The following XRN1 variants were observed in gnomAD, a reference collection of about 807,000 sequenced individuals.
XRN1 encodes 5'-3' exoribonuclease 1.
In XRN1, 67 loss-of-function variants were observed where a neutral mutation model predicts 222.3. The observed-to-expected ratio is 0.30, with a 90% CI of 0.25 to 0.37. The LOEUF is 0.37. XRN1 is among the 10% of genes least tolerant of loss of function. XRN1 has a pLI of 1.00. For missense variants in XRN1, 1,707 were observed against 2,000.2 expected (o/e 0.85, Z 2.80); for synonymous variants, 643 against 652.4 (o/e 0.99, Z 0.22).
Position 142,350,899 on chromosome 3 carries a change from G to A in XRN1, c.3769-3557C>T, listed in dbSNP as rs2066285237. On this transcript the variant is annotated intron_variant, in intron 32 of 40. Transcript: ENST00000392981. ...TTCAATTTTGGACATGGTAATTTGAGATGTATATTAAGTACCCAAGTGGAG... is the reference window on the plus strand; with the variant it reads ...TTCAATTTTGGACATGGTAATTTGAAATGTATATTAAGTACCCAAGTGGAG... 2.0e-5 allele frequency among the ~76,000 whole-genome samples: 3 copies of A among 152,104 alleles called. No homozygotes were observed. The South Asian group carries it at 6.2e-4, about 32-fold the overall frequency.
rs557723130 is a variant in XRN1 at position 142,365,278 on chromosome 3, A to C, written c.3261+32T>G. 7 of 1,584,630 alleles carry C rather than the reference A, an allele frequency of 4.4e-6. No homozygotes were observed. The East Asian group carries it at 1.6e-4, about 36-fold the overall frequency. ...CCTTCCATGCATTCAAAGTGAAAGC[A>C]ACAACTCTGAATTCTTTGATAGGAA... On this transcript the variant is annotated intron_variant, in intron 28 of 40. Transcript: ENST00000392981.
At position 142,403,776 on chromosome 3, in the gene XRN1, T is replaced by C. The variant is rs758900413; in HGVS notation, c.2005-4A>G. Reference sequence around the variant, plus strand: ...CACCACTTTTCTTCAAAAAAAACTTTAAAAGAATTCAAATAATTTAATTTT... The same window carrying C: ...CACCACTTTTCTTCAAAAAAAACTTCAAAAGAATTCAAATAATTTAATTTT... On this transcript the variant is annotated splice_region_variant and splice_polypyrimidine_tract_variant and intron_variant, in intron 17 of 40. Coordinates refer to ENST00000392981, the MANE Select transcript of XRN1 (RefSeq NM_001282857.2). 2.5e-6 allele frequency: 4 copies of C among 1,611,754 alleles called. No individual in the cohort carries two copies. Among genetic ancestry groups the C allele is most frequent in the South Asian group, 2.2e-5 (2 of 90,484 alleles).
intron 2 of XRN1, among the ~76,000 whole-genome samples, chr3:142,428,262 G>A (rs1469909332): frequency 6.6e-6 from 1 of 151,970 alleles, no homozygotes; most frequent in African/African-American, 2.4e-5. Flanking sequence ...CGGGTGTGGT[G>A]GTGCGGCCTG....
At chr3:142,411,341 AG>A (rs1328985172) in intron 15 of XRN1, among the ~76,000 whole-genome samples, 1 of 152,070 alleles carries the variant, frequency 6.6e-6, no homozygotes, top group Non-Finnish European at 1.5e-5. Flanking sequence ...CATTTTCTGT[AG>A]ATTTCTGCTT....
Position 142,359,861 on chromosome 3 carries a change from C to T in XRN1, c.3464+1G>A, listed in dbSNP as rs2066569081. 6.3e-7 allele frequency: 1 copy of T among 1,595,678 alleles called. No homozygotes were observed. Among genetic ancestry groups the T allele is most frequent in the African/African-American group, 1.3e-5 (1 of 74,338 alleles). On this transcript the variant is annotated splice_donor_variant, in intron 30 of 40. Coordinates refer to ENST00000392981, the MANE Select transcript of XRN1 (RefSeq NM_001282857.2). LOFTEE classifies it high-confidence loss of function. ...GGCAATTATCATTGGGAAATACAAA[C>T]CTTATTGTTAACCCTCCAGGAAATT...
intron 31 of XRN1, 81 bp downstream of exon 31, chr3:142,356,831 T>G: frequency 7.0e-7 from 1 of 1,422,746 alleles, no homozygotes; most frequent in Non-Finnish European, 9.6e-7. Flanking sequence ...CTAAGTTAAA[T>G]TAGGTTTACA....
At chr3:142,386,952 A>G (rs1336488257) in intron 20 of XRN1, among the ~76,000 whole-genome samples, 1 of 152,194 alleles carries the variant, frequency 6.6e-6, no homozygotes, top group African/African-American at 2.4e-5. Context: ...ATGTAGGCAT[A>G]TGCTATGAAG....
intron 20 of XRN1, among the ~76,000 whole-genome samples, chr3:142,394,785 A>C (rs1289628136): frequency 6.6e-6 from 1 of 152,152 alleles, no homozygotes; most frequent in African/African-American, 2.4e-5. Context: ...GCTCTACTCA[A>C]TCCTATATCC....
chr3:142,375,470 C>CTA (rs1261851881), intron 25 of XRN1, among the ~76,000 whole-genome samples: 1 of 152,080 alleles, frequency 6.6e-6, no homozygotes, highest in African/African-American at 2.4e-5. Context: ...ATCCACTATG[C>CTA]TAAGAGCTTT....
rs538648185 is a variant in XRN1 at position 142,343,834 on chromosome 3, A to C, written c.3877+3400T>G. On this transcript the variant is annotated intron_variant, in intron 33 of 40. Transcript: ENST00000392981. ...AACAGCTAAGATTTGGAAACAACCTAAGTGTCCATCAACAGGTGAACAGAT... is the reference window on the plus strand; with the variant it reads ...AACAGCTAAGATTTGGAAACAACCTCAGTGTCCATCAACAGGTGAACAGAT... Among the ~76,000 whole-genome samples the C allele has an allele frequency of 2.6e-5, 4 of 152,322 alleles. No homozygotes were observed. The South Asian group carries it at 8.3e-4, about 32-fold the overall frequency.
intron 9 of XRN1, 56 bp downstream of exon 9, chr3:142,421,419 TG>T: frequency 7.2e-7 from 1 of 1,392,372 alleles, no homozygotes; most frequent in Non-Finnish European, 9.9e-7. Flanking sequence ...ACATAATTGG[TG>T]ACTGATCATT....
intron 37 of XRN1, among the ~76,000 whole-genome samples, chr3:142,328,720 TA>T (rs1186575381): frequency 0.03 from 250 of 8,314 alleles, 25 homozygotes; most frequent in African/African-American, 0.19. Context: ...TATATATATA[TA>T]TATATATATA....
rs1279044999 is a variant in XRN1, at chr3:142,307,361, C to CTT, written c.*4149_*4150insAA. ...ACAACCAAGTGCAGTTGGTGTACGGCTGGAGGGAAAAAAAAAAAGACTTTT... is the reference window on the plus strand; with the variant it reads ...ACAACCAAGTGCAGTTGGTGTACGGCTTTGGAGGGAAAAAAAAAAAGACTTTT... On this transcript the variant is annotated 3_prime_UTR_variant, in exon 41 of 41. Transcript: ENST00000392981. 6.6e-6 allele frequency: 1 copy of CTT among 151,080 alleles called. No individual in the cohort carries two copies. Among genetic ancestry groups the CTT allele is most frequent in the Non-Finnish European group, 1.5e-5 (1 of 67,816 alleles). 9.4% of individuals were successfully genotyped at this position (151,080 alleles called of 1,614,324 possible). A position where few individuals can be genotyped will look rare whatever the true frequency, so the allele number is the denominator to read the frequency against.
intron 20 of XRN1, among the ~76,000 whole-genome samples, chr3:142,395,824 T>A (rs1249159353): frequency 6.6e-6 from 1 of 152,238 alleles, no homozygotes; most frequent in Non-Finnish European, 1.5e-5. Context: ...TGCCAAATCT[T>A]CCTCAATACA....
In XRN1 at chr3:142,378,133, T is replaced by A. The variant is rs182578194; in HGVS notation, c.2716-1539A>T. ...GAATTAATTTTAGCTAAGTTAATTA[T>A]CCAACCAATCAATAAGAACAAATGA... On this transcript the variant is annotated intron_variant, in intron 23 of 40. Transcript: ENST00000392981. Among the ~76,000 whole-genome samples the A allele has an allele frequency of 1.0e-3, 153 of 152,300 alleles. 1 individual carries two copies. The highest frequency in any genetic ancestry group is 3.5e-3 in the African/African-American group (144 of 41,584).
At chr3:142,409,269 G>C (rs2068468409) in intron 15 of XRN1, among the ~76,000 whole-genome samples, 1 of 152,064 alleles carries the variant, frequency 6.6e-6, no homozygotes, top group South Asian at 2.1e-4. Context: ...TTTCTCCTAA[G>C]TTTGCTTCAA....
In XRN1 at chr3:142,318,819, T is replaced by C. The variant is rs759198293; in HGVS notation, c.4489A>G (p.Lys1497Glu). The change falls in exon 38 of 41, where the codon AAA (lysine) becomes GAA (glutamate). Residue 1497 changes from lysine to glutamate, a missense_variant. Transcript: ENST00000392981. Reference protein sequence around the residue: ...QCHSENEAKEKAALFALQQLG... With the variant: ...QCHSENEAKEEAALFALQQLG... ...TGTTGTAAAGCAAAAAGTGCAGCTT[T>C]CTCTTTGGCTTCATTTTCAGAGTGG... The C allele has an allele frequency of 1.9e-6, 3 of 1,613,876 alleles. No homozygotes were observed. The highest frequency in any genetic ancestry group is 2.2e-5 in the East Asian group (1 of 44,870).
At chr3:142,351,780 T>A (rs1476914177) in intron 32 of XRN1, among the ~76,000 whole-genome samples, 1 of 152,002 alleles carries the variant, frequency 6.6e-6, no homozygotes, top group Non-Finnish European at 1.5e-5. Flanking sequence ...CAGTCAAGAT[T>A]TAATCCAGTA....
intron 1 of XRN1, among the ~76,000 whole-genome samples, chr3:142,440,923 C>T (rs1400159843): frequency 6.6e-6 from 1 of 152,182 alleles, no homozygotes; most frequent in Non-Finnish European, 1.5e-5. Flanking sequence ...AACTATTTGG[C>T]TAGGAATTAG....
Sources: allele counts gnomAD v4.1 joint callset (sites outside exome capture counted in the v4.1 genomes callset), GRCh38; gene constraint gnomAD v4.1.1; transcripts MANE v1.5; gene names NCBI Gene and HGNC (gene_info 2026-07-23, HGNC 2026-07-21).